The following DNM1L variants were observed in gnomAD, a reference collection of about 807,000 sequenced individuals.
DNM1L encodes dynamin-1-like protein.
Under a neutral mutation model 92.8 loss-of-function variants are expected in DNM1L, and 33 were observed. The observed-to-expected ratio is 0.36, with a 90% CI of 0.27 to 0.48. DNM1L has a LOEUF of 0.48. Among genes scored for constraint, DNM1L ranks in the 20% least tolerant of loss-of-function variants. DNM1L has a pLI of 0.99. For missense variants in DNM1L, 485 were observed against 888.8 expected (o/e 0.55, Z 5.78); for synonymous variants, 284 against 305.0 (o/e 0.93, Z 0.72).
intron 6 of DNM1L, among the ~76,000 whole-genome samples, chr12:32,715,865 A>G (rs943613381): frequency 6.6e-6 from 1 of 152,344 alleles, no homozygotes; most frequent in African/African-American, 2.4e-5. Flanking sequence ...AGTTTCTTAT[A>G]AAGTTAAATT....
intron 9 of DNM1L, among the ~76,000 whole-genome samples, chr12:32,723,646 A>T (rs11052204): frequency 0.075 from 10,852 of 143,824 alleles, 421 homozygotes; most frequent in Middle Eastern, 0.11. Flanking sequence ...GTGAGCCGAG[A>T]TGGTGCCACT....
intron 16 of DNM1L, among the ~76,000 whole-genome samples, chr12:32,739,203 A>C (rs1955112002): frequency 6.6e-6 from 1 of 152,018 alleles, no homozygotes; most frequent in Non-Finnish European, 1.5e-5. Flanking sequence ...TCAAACTACC[A>C]TTTTTCTAAC....
chr12:32,715,806 C>A (rs150917552), intron 6 of DNM1L, among the ~76,000 whole-genome samples: 1 of 152,318 alleles, frequency 6.6e-6, no homozygotes, highest in African/African-American at 2.4e-5. Context: ...TTGGAACTCT[C>A]ACACGTTGCT....
intron 1 of DNM1L, among the ~76,000 whole-genome samples, chr12:32,689,255 T>C (rs553999964): frequency 6.6e-6 from 1 of 152,338 alleles, no homozygotes; most frequent in South Asian, 2.1e-4. Flanking sequence ...TGGATTGCAA[T>C]GGCGTGATCC....
intron 6 of DNM1L, among the ~76,000 whole-genome samples, chr12:32,714,938 T>TGCA (rs1168323556): frequency 6.6e-6 from 1 of 152,032 alleles, no homozygotes; most frequent in Non-Finnish European, 1.5e-5. Flanking sequence ...AGGCAGAGGT[T>TGCA]GCAGTGAGCC....
intron 1 of DNM1L, among the ~76,000 whole-genome samples, chr12:32,694,952 C>A (rs928509372): frequency 1.3e-5 from 2 of 152,118 alleles, no homozygotes; most frequent in African/African-American, 4.8e-5. Context: ...TGAAAGGGAT[C>A]AGTTGTAAAG....
chr12:32,702,143 AGAATCACTT>A (rs1486850256), intron 2 of DNM1L, among the ~76,000 whole-genome samples: 3 of 151,174 alleles, frequency 2.0e-5, no homozygotes, highest in Non-Finnish European at 4.4e-5. Flanking sequence ...CTGAGGCAGA[AGAATCACTT>A]GAACCCAGGA....
chr12:32,738,176 G>A lies in DNM1L; in HGVS notation c.1675-88G>A, dbSNP rs993692847. 10 of 1,484,052 alleles carry A rather than the reference G, an allele frequency of 6.7e-6. No individual in the cohort carries two copies. In the African/African-American group the frequency reaches 9.7e-5, roughly 14 times the overall value. 91.9% of individuals were successfully genotyped at this position (1,484,052 alleles called of 1,614,324 possible). On this transcript the variant is annotated intron_variant, in intron 15 of 19. Transcript: ENST00000549701. Reference sequence around the variant, plus strand: ...GCACACAGAAAAAGTAATTTAAAGAGGAAATTATCCTGCACTTTTTGAATT... The same window carrying A: ...GCACACAGAAAAAGTAATTTAAAGAAGAAATTATCCTGCACTTTTTGAATT...
intron 1 of DNM1L, chr12:32,679,705 G>T (rs2649574): frequency 7.4e-5 from 90 of 1,220,554 alleles, no homozygotes; most frequent in Non-Finnish European, 9.0e-5. Context: ...CGGCGCGGCG[G>T]GCCTGGCTAG....
chr12:32,741,484 C>T (rs552498264), intron 18 of DNM1L, among the ~76,000 whole-genome samples: 1 of 152,284 alleles, frequency 6.6e-6, no homozygotes, highest in East Asian at 1.9e-4. Flanking sequence ...CGGGTTTCAC[C>T]ATGTTGGCCA....
chr12:32,706,033 T>C, intron 2 of DNM1L: 1 of 519,164 alleles, frequency 1.9e-6, no homozygotes, highest in Non-Finnish European at 3.3e-6. Context: ...TGCATCAAAA[T>C]GCAAGCTTTT....
In DNM1L at chr12:32,684,009, A is replaced by G. The variant is rs1222732652; in HGVS notation, c.102+4544A>G. Among the ~76,000 whole-genome samples, 5 of 152,234 alleles carry G rather than the reference A, an allele frequency of 3.3e-5. No homozygotes were observed. In the East Asian group the frequency reaches 9.6e-4, roughly 29 times the overall value. ...ATTTTAATTTCTAATTTGCAAATCA[A>G]CTTTTAAAAATTTAACATTAAAAAT... On this transcript the variant is annotated intron_variant, in intron 1 of 19. Coordinates refer to ENST00000549701, the MANE Select transcript of DNM1L (RefSeq NM_012062.5).
chr12:32,713,135 A>C, intron 5 of DNM1L, 74 bp from the exon 6 acceptor site: 1 of 1,445,304 alleles, frequency 6.9e-7, no homozygotes, highest in Non-Finnish European at 9.7e-7. Flanking sequence ...CCTATATTCT[A>C]TCGATTAAAT....
intron 19 of DNM1L, 108 bp downstream of exon 19, chr12:32,742,856 A>T: frequency 3.3e-5 from 26 of 776,976 alleles, no homozygotes; most frequent in Non-Finnish European, 4.0e-5. Flanking sequence ...TATTCTAGCT[A>T]GGCTTGTTTC....
intron 4 of DNM1L, 102 bp downstream of exon 4, chr12:32,708,326 A>T: frequency 1.3e-6 from 1 of 765,002 alleles, no homozygotes; most frequent in Non-Finnish European, 2.2e-6. Context: ...CCTACTCTTG[A>T]TCTTAGCCAA....
At chr12:32,694,587 A>G (rs368705238) in intron 1 of DNM1L, among the ~76,000 whole-genome samples, 2 of 152,340 alleles carry the variant, frequency 1.3e-5, no homozygotes, top group East Asian at 1.9e-4. Flanking sequence ...TTAAATATCC[A>G]TATTAGGGAT....
At chr12:32,720,861 A>AT in intron 8 of DNM1L, 66 bp downstream of exon 8, 1 of 1,590,234 alleles carries the variant, frequency 6.3e-7, no homozygotes, top group Non-Finnish European at 8.6e-7. Flanking sequence ...GAGAGGGTTC[A>AT]TTTTCAGTTC....
intron 1 of DNM1L, among the ~76,000 whole-genome samples, chr12:32,695,471 TATAAA>T (rs751903480): frequency 3.3e-5 from 5 of 152,136 alleles, no homozygotes; most frequent in African/African-American, 4.8e-5. Context: ...AGTGAAGTAT[TATAAA>T]TAAAAGAAAA....
At chr12:32,692,531 C>G (rs1952274229) in intron 1 of DNM1L, 2 of 153,854 alleles carry the variant, frequency 1.3e-5, no homozygotes, top group Non-Finnish European at 2.9e-5. Flanking sequence ...CCACTGGAGT[C>G]AGGGATGAAA....
Sources: gnomAD v4.1 joint callset for allele counts (sites outside exome capture counted in the v4.1 genomes callset) on GRCh38, gnomAD v4.1.1 for gene constraint, MANE v1.5 for transcripts, NCBI Gene and HGNC (gene_info 2026-07-23, HGNC 2026-07-21) for gene names.